Variants in ERP27 observed in about 807,000 individuals in gnomAD.
ERP27 encodes endoplasmic reticulum protein 27, also known as endoplasmic reticulum resident protein 27.
A neutral mutation model predicts 27.7 loss-of-function variants in ERP27; 23 were observed. The ratio of observed to expected loss-of-function variants is 0.83; its 90% confidence interval spans 0.60 to 1.18. ERP27 has a LOEUF of 1.18. Ranked by LOEUF, ERP27 falls within the 50% of genes most tolerant of loss-of-function variation. The pLI is 0.00. For missense variants in ERP27, 363 were observed against 327.9 expected, an observed-to-expected ratio of 1.11 and a Z score of -0.83; for synonymous variants, 159 against 118.3, an observed-to-expected ratio of 1.34 and a Z score of -2.23.
Position 14,929,903 on chromosome 12 carries a change from G to T in ERP27, c.333+4953C>A, listed in dbSNP as rs149634940. On this transcript the variant is annotated intron_variant, in intron 3 of 6. Transcript: ENST00000266397. ...GTTAAACAAAGGTCCTCACGTCCTC[G>T]GTTTGTTTTTTTAAAGCTGTTCAGC... Among the ~76,000 whole-genome samples, 8 of 151,764 alleles carry T rather than the reference G, an allele frequency of 5.3e-5. No homozygotes were observed. In the East Asian group the frequency reaches 1.5e-3, roughly 29 times the overall value.
At chr12:14,936,901 C>T (rs910323467) in intron 2 of ERP27, among the ~76,000 whole-genome samples, 1 of 152,110 alleles carries the variant, frequency 6.6e-6, no homozygotes, top group Non-Finnish European at 1.5e-5. Context: ...TGAGAAGAAA[C>T]TAACATACCC....
At chr12:14,936,912 G>A (rs903474831) in intron 2 of ERP27, among the ~76,000 whole-genome samples, 5 of 152,072 alleles carry the variant, frequency 3.3e-5, no homozygotes, top group Admixed American at 6.6e-5. Flanking sequence ...TAACATACCC[G>A]TCTTGCATCT....
At chr12:14,919,133 T>G (rs1473346353) in intron 4 of ERP27, among the ~76,000 whole-genome samples, 1 of 152,112 alleles carries the variant, frequency 6.6e-6, no homozygotes, top group Admixed American at 6.6e-5. Flanking sequence ...GGTGCAAACC[T>G]TTGCACCAGA....
At chr12:14,923,046 C>T (rs1031363448) in intron 3 of ERP27, among the ~76,000 whole-genome samples, 3 of 147,152 alleles carry the variant, frequency 2.0e-5, no homozygotes, top group Non-Finnish European at 3.0e-5. Context: ...TGCACTCCGG[C>T]CTGGGTGGCA....
intron 5 of ERP27, 98 bp downstream of exon 5, chr12:14,917,080 G>C: frequency 7.0e-7 from 1 of 1,436,110 alleles, no homozygotes. Context: ...CCTAACCATA[G>C]TTGTTTTCCT....
chr12:14,923,025 G>C (rs1201271083), intron 3 of ERP27, among the ~76,000 whole-genome samples: 4 of 147,752 alleles, frequency 2.7e-5, no homozygotes, highest in South Asian at 4.2e-4. Context: ...AGTGAGCCGA[G>C]AACGTGCCAT....
chr12:14,923,689 T>C (rs541568159), intron 3 of ERP27, among the ~76,000 whole-genome samples: 1 of 152,278 alleles, frequency 6.6e-6, no homozygotes, highest in Non-Finnish European at 1.5e-5. Flanking sequence ...TCTTAGTGTT[T>C]GAAGTCTTTT....
At chr12:14,929,088 T>C in intron 3 of ERP27, 1 of 1,513,738 alleles carries the variant, frequency 6.6e-7, no homozygotes, top group Non-Finnish European at 8.8e-7. Context: ...TAGGAATTCC[T>C]AGGTCTGGTG....
chr12:14,921,209 C>T (rs1197820918), intron 3 of ERP27, among the ~76,000 whole-genome samples, 161 bp from the exon 4 acceptor site: 4 of 152,150 alleles, frequency 2.6e-5, no homozygotes, highest in African/African-American at 9.7e-5. Context: ...GTCCTGTAGA[C>T]TCCAAAAAAG....
intron 4 of ERP27, among the ~76,000 whole-genome samples, chr12:14,919,525 C>G (rs1413567167): frequency 1.3e-5 from 2 of 151,998 alleles, no homozygotes; most frequent in Non-Finnish European, 2.9e-5. Context: ...GTGTTTGGAG[C>G]CTTAGCAGAA....
rs1863382007 is a variant in ERP27 at position 14,914,745 on chromosome 12, A to G, written c.812T>C (p.Val271Ala). ...NRESEGKTPK[V>A]EL is the part of the protein sequence containing the mutation. ...AGTTCCAAGGAGAAGTCAGAGTTCCACCTTTGGAGTCTTTCCTTCTGATTC... is the reference window on the plus strand; with the variant it reads ...AGTTCCAAGGAGAAGTCAGAGTTCCGCCTTTGGAGTCTTTCCTTCTGATTC... Residue 271 changes from valine (V) to alanine (A), a missense_variant, in exon 7 of 7, where the codon GTG becomes GCG. By Grantham distance (64) the Val-to-Ala change is moderately conservative (BLOSUM62 0). Transcript: ENST00000266397. 6.2e-7 allele frequency: 1 copy of G among 1,613,620 alleles called. No homozygotes were observed. Among genetic ancestry groups the G allele is most frequent in the South Asian group, 1.1e-5 (1 of 90,992 alleles).
intron 2 of ERP27, 37 bp from the exon 3 acceptor site, chr12:14,935,030 T>C (rs1305888174): frequency 1.2e-6 from 2 of 1,601,958 alleles, no homozygotes; most frequent in Admixed American, 1.7e-5. Context: ...ACAGTGGTTA[T>C]TTCGAAGGGC....
chr12:14,916,055 A>G (rs990996701), intron 5 of ERP27, among the ~76,000 whole-genome samples: 1 of 152,118 alleles, frequency 6.6e-6, no homozygotes, highest in Non-Finnish European at 1.5e-5. Context: ...GGAGCAGAAA[A>G]GATCACAATT....
chr12:14,923,009 G>C lies in ERP27; in HGVS notation c.334-1961C>G, dbSNP rs139248389. Among the ~76,000 whole-genome samples the C allele has an allele frequency of 2.7e-3, 404 of 151,828 alleles. 1 individual carries two copies. Among genetic ancestry groups the C allele is most frequent in the African/African-American group, 9.4e-3 (388 of 41,334 alleles). On this transcript the variant is annotated intron_variant, in intron 3 of 6. Transcript: ENST00000266397. Reference sequence around the variant, plus strand: ...ACTTGAACCCAGAAGGTGGAGGGGAGGTTGCAGTGAGCCGAGAACGTGCCA... The same window carrying C: ...ACTTGAACCCAGAAGGTGGAGGGGACGTTGCAGTGAGCCGAGAACGTGCCA...
intron 3 of ERP27, among the ~76,000 whole-genome samples, chr12:14,928,479 A>T (rs572537060): frequency 6.6e-6 from 1 of 152,332 alleles, no homozygotes; most frequent in Non-Finnish European, 1.5e-5. Flanking sequence ...GGATAGATCT[A>T]GTCATTCTCT....
intron 3 of ERP27, among the ~76,000 whole-genome samples, chr12:14,924,154 C>T (rs530791407): frequency 9.9e-4 from 150 of 152,246 alleles, no homozygotes; most frequent in Admixed American, 2.0e-3. Flanking sequence ...AGGCTTATTT[C>T]ACTTAACATA....
In ERP27 at chr12:14,914,555, G is replaced by GCT. The variant is rs1863374395; in HGVS notation, c.*178_*179dup. The GCT allele has an allele frequency of 6.7e-6, 3 of 449,130 alleles. No homozygotes were observed. Among genetic ancestry groups the GCT allele is most frequent in the South Asian group, 8.4e-5 (2 of 23,728 alleles). The allele number at this position is 449,130 out of a possible 1,614,324, so 27.8% of individuals were successfully genotyped here. A position where few individuals can be genotyped will look rare whatever the true frequency, so the allele number is the denominator to read the frequency against. Reference sequence around the variant, plus strand: ...ACGAGATTTTAAGACAGGAAATGAAGCTCTGTGTGTGTGTGTGTGTGTGCG... The same window carrying GCT: ...ACGAGATTTTAAGACAGGAAATGAAGCTCTCTGTGTGTGTGTGTGTGTGTGCG... On this transcript the variant is annotated 3_prime_UTR_variant, in exon 7 of 7. Coordinates refer to ENST00000266397, the MANE Select transcript of ERP27 (RefSeq NM_152321.4).
At chr12:14,920,126 G>A (rs1863477907) in intron 4 of ERP27, among the ~76,000 whole-genome samples, 1 of 152,190 alleles carries the variant, frequency 6.6e-6, no homozygotes, top group Non-Finnish European at 1.5e-5. Flanking sequence ...CTATGTCAGG[G>A]AAAATAAAGG....
At chr12:14,926,392 A>G (rs1383282749) in intron 3 of ERP27, among the ~76,000 whole-genome samples, 1 of 152,228 alleles carries the variant, frequency 6.6e-6, no homozygotes, top group African/African-American at 2.4e-5. Context: ...GCAATTTTCA[A>G]TCCAGCCTGA....
Sources: allele counts gnomAD v4.1 joint callset (sites outside exome capture counted in the v4.1 genomes callset), GRCh38; gene constraint gnomAD v4.1.1; transcripts MANE v1.5; gene names NCBI Gene and HGNC (gene_info 2026-07-23, HGNC 2026-07-21).